Variants in CCSER2 observed in about 807,000 individuals in gnomAD.
The protein encoded by CCSER2 is serine-rich coiled-coil domain-containing protein 2.
In CCSER2, 46 loss-of-function variants were observed where a neutral mutation model predicts 92.3. That is an observed-to-expected ratio of 0.50 (90% CI 0.39 to 0.64). The LOEUF (loss-of-function observed/expected upper bound fraction) is 0.64, where lower values mean the gene tolerates loss of function less well. Ranked by LOEUF, CCSER2 falls within the 30% of genes least tolerant of loss-of-function variation. The pLI, the probability that CCSER2 is intolerant of heterozygous loss-of-function variation, is 0.00. For synonymous variants in CCSER2, 433 were observed against 431.4 expected (o/e 1.00, Z -0.04); for missense variants, 1,244 against 1,238.9 (o/e 1.00, Z -0.06).
intron 9 of CCSER2, among the ~76,000 whole-genome samples, chr10:84,511,364 G>C (rs1849338176): frequency 6.6e-6 from 1 of 152,126 alleles, no homozygotes; most frequent in Non-Finnish European, 1.5e-5. Flanking sequence ...CAAATTTATA[G>C]TGCACAATGG....
chr10:84,502,023 T>G (rs1428285353), intron 9 of CCSER2, among the ~76,000 whole-genome samples: 1 of 149,260 alleles, frequency 6.7e-6, no homozygotes, highest in Non-Finnish European at 1.5e-5. Flanking sequence ...TTAATGAGCT[T>G]GAAAGGTTCC....
intron 9 of CCSER2, among the ~76,000 whole-genome samples, chr10:84,478,850 A>G (rs1847302503): frequency 6.6e-6 from 1 of 152,246 alleles, no homozygotes; most frequent in Non-Finnish European, 1.5e-5. Flanking sequence ...TTTGAATCAT[A>G]GAAAGCAAAA....
chr10:84,333,677 A>G (rs1240345354), intron 1 of CCSER2, among the ~76,000 whole-genome samples: 2 of 152,232 alleles, frequency 1.3e-5, no homozygotes, highest in African/African-American at 4.8e-5. Flanking sequence ...AGTGGTTGAA[A>G]TATTCATGTG....
At chr10:84,406,178 C>T (rs1842366471) in intron 3 of CCSER2, among the ~76,000 whole-genome samples, 1 of 152,118 alleles carries the variant, frequency 6.6e-6, no homozygotes, top group Non-Finnish European at 1.5e-5. Flanking sequence ...ATGTTACATG[C>T]TGTATGATTC....
chr10:84,361,595 C>G (rs1376447504), intron 1 of CCSER2, among the ~76,000 whole-genome samples: 1 of 151,690 alleles, frequency 6.6e-6, no homozygotes, highest in African/African-American at 2.4e-5. Flanking sequence ...ATAATTAGGT[C>G]TTCATTACCA....
chr10:84,454,113 C>CT (rs1845459549), intron 6 of CCSER2, among the ~76,000 whole-genome samples: 1 of 152,132 alleles, frequency 6.6e-6, no homozygotes, highest in Non-Finnish European at 1.5e-5. Context: ...GTCATCAGGG[C>CT]TTTTCTCTGT....
At chr10:84,421,352 G>A (rs1481033236) in intron 4 of CCSER2, among the ~76,000 whole-genome samples, 3 of 152,222 alleles carry the variant, frequency 2.0e-5, no homozygotes, top group African/African-American at 7.2e-5. Context: ...ATACAGGAAA[G>A]AGGTTTAGTT....
At chr10:84,384,423 T>C (rs1158794491) in intron 3 of CCSER2, among the ~76,000 whole-genome samples, 1 of 152,130 alleles carries the variant, frequency 6.6e-6, no homozygotes, top group Non-Finnish European at 1.5e-5. Context: ...AAAAGATAAC[T>C]CATCATGATC....
intron 8 of CCSER2, 90 bp from the exon 9 acceptor site, chr10:84,477,485 G>A (rs1847219126): frequency 3.2e-6 from 2 of 625,968 alleles, no homozygotes; most frequent in Non-Finnish European, 5.6e-6. Context: ...TCTCTTAGGT[G>A]TTTTATGTGT....
intron 9 of CCSER2, among the ~76,000 whole-genome samples, chr10:84,509,561 G>T (rs1447504197): frequency 6.6e-6 from 1 of 152,122 alleles, no homozygotes; most frequent in African/African-American, 2.4e-5. Context: ...TCTTTAATCT[G>T]AGAATTATCA....
At chr10:84,449,359 A>T (rs955822468) in intron 6 of CCSER2, among the ~76,000 whole-genome samples, 1 of 150,266 alleles carries the variant, frequency 6.7e-6, no homozygotes, top group Non-Finnish European at 1.5e-5. Context: ...TGGGCAACAG[A>T]GTAAGAGTCT....
intron 3 of CCSER2, among the ~76,000 whole-genome samples, chr10:84,408,255 A>G (rs749421650): frequency 6.6e-6 from 1 of 152,172 alleles, no homozygotes; most frequent in South Asian, 2.1e-4. Context: ...AGATATTTGA[A>G]TGTATTTTTC....
chr10:84,436,348 AAAAAAT>A (rs1844136885), intron 5 of CCSER2, among the ~76,000 whole-genome samples: 7 of 134,600 alleles, frequency 5.2e-5, no homozygotes, highest in Non-Finnish European at 6.4e-5. Flanking sequence ...AAAAAAAAAA[AAAAAAT>A]GCCGGGCGCG....
rs1196196509 is a variant in CCSER2 at position 84,516,846 on chromosome 10, AT to A, written c.*2582del. ...CTTTTAGAAGATAGGCTTATCGTAT[AT>A]TTATGAAGCATAATATATTAAAAGA... On this transcript the variant is annotated 3_prime_UTR_variant, in exon 10 of 10. Coordinates refer to ENST00000372088, the MANE Select transcript of CCSER2 (RefSeq NM_001284240.2). 6.6e-6 allele frequency: 1 copy of A among 152,162 alleles called. No homozygotes were observed. Among genetic ancestry groups the A allele is most frequent in the Non-Finnish European group, 1.5e-5 (1 of 68,012 alleles). 9.4% of individuals were successfully genotyped at this position (152,162 alleles called of 1,614,324 possible).
chr10:84,489,098 G>T (rs1847985867), intron 9 of CCSER2, among the ~76,000 whole-genome samples: 1 of 152,214 alleles, frequency 6.6e-6, no homozygotes, highest in African/African-American at 2.4e-5. Flanking sequence ...ACTGTGGTCT[G>T]AGAGACTGTT....
In CCSER2 at chr10:84,406,307, C is replaced by A. The variant is rs531957948; in HGVS notation, c.1615-11464C>A. 5.7e-4 allele frequency among the ~76,000 whole-genome samples: 86 copies of A among 152,104 alleles called. 1 individual carries two copies. The highest frequency in any genetic ancestry group is 1.1e-3 in the Non-Finnish European group (76 of 67,998). On this transcript the variant is annotated intron_variant, in intron 3 of 9. Transcript: ENST00000372088. ...AACTGGATAGTGTGAGGGACTTCTT[C>A]GAGGGTGAAGAAACTGTTCTGCATC...
At chr10:84,499,937 T>G (rs768044082) in intron 9 of CCSER2, 31 of 1,613,860 alleles carry the variant, frequency 1.9e-5, no homozygotes, top group Non-Finnish European at 2.6e-5. Context: ...TCCCACGGAC[T>G]GTTCCACCGC....
chr10:84,499,474 T>C (rs1848611325), intron 9 of CCSER2, among the ~76,000 whole-genome samples: 1 of 152,182 alleles, frequency 6.6e-6, no homozygotes, highest in Non-Finnish European at 1.5e-5. Context: ...TTGTATTGCC[T>C]GATTCACAAA....
intron 2 of CCSER2, 103 bp downstream of exon 2, chr10:84,372,572 C>T: frequency 1.3e-6 from 1 of 761,252 alleles, no homozygotes; most frequent in Non-Finnish European, 2.1e-6. Flanking sequence ...TTATCAGTTT[C>T]ACGGAGGGAT....
Sources: gnomAD v4.1 joint callset for allele counts (sites outside exome capture counted in the v4.1 genomes callset) on GRCh38, gnomAD v4.1.1 for gene constraint, MANE v1.5 for transcripts, NCBI Gene and HGNC (gene_info 2026-07-23, HGNC 2026-07-21) for gene names.